TMEM135: variants seen among roughly 807,000 people sequenced by gnomAD.
The protein encoded by TMEM135 is peroxisomal membrane protein 52.
In TMEM135, 30 loss-of-function variants were observed where a neutral mutation model predicts 60.3. The ratio of observed to expected loss-of-function variants is 0.50; its 90% CI spans 0.37 to 0.68. TMEM135 has a LOEUF of 0.68. Among genes scored for constraint, TMEM135 ranks in the 30% least tolerant of loss-of-function variants. The pLI is 0.00. For missense variants in TMEM135, 468 were observed against 548.8 expected (o/e 0.85, Z 1.47); for synonymous variants, 190 against 186.7 (o/e 1.02, Z -0.14).
chr11:87,291,523 T>A (rs1942262082), intron 6 of TMEM135, among the ~76,000 whole-genome samples: 2 of 81,932 alleles, frequency 2.4e-5, no homozygotes, highest in African/African-American at 7.7e-5. Context: ...TGATTTTTTT[T>A]TTTTTTTTTT....
chr11:87,155,332 C>T (rs1230415780), intron 4 of TMEM135, among the ~76,000 whole-genome samples: 3 of 152,192 alleles, frequency 2.0e-5, no homozygotes, highest in Non-Finnish European at 1.5e-5. Context: ...CTTTCGGTGT[C>T]ATATTCAAGA....
chr11:87,156,826 G>T (rs1005839517), intron 4 of TMEM135, among the ~76,000 whole-genome samples: 1 of 152,066 alleles, frequency 6.6e-6, no homozygotes. Context: ...GAATTTAAAT[G>T]CTACATTTGA....
chr11:87,175,898 G>T (rs984042185), intron 5 of TMEM135, among the ~76,000 whole-genome samples: 3 of 151,610 alleles, frequency 2.0e-5, no homozygotes, highest in South Asian at 2.1e-4. Context: ...CATACCAAAA[G>T]AATTTTGCAT....
At chr11:87,110,882 C>T (rs1857726756) in intron 4 of TMEM135, among the ~76,000 whole-genome samples, 1 of 152,082 alleles carries the variant, frequency 6.6e-6, no homozygotes, top group Admixed American at 6.6e-5. Flanking sequence ...ATTTAGGTTA[C>T]TAGCATTGCG....
intron 5 of TMEM135, among the ~76,000 whole-genome samples, chr11:87,189,109 T>TCCTTTTCCTTTCCCTTTC (rs1565479738): frequency 1.8e-4 from 27 of 151,644 alleles, no homozygotes; most frequent in Admixed American, 5.3e-4. Context: ...GTTTCCCTTT[T>TCCTTTTCCTTTCCCTTTC]CCTTTTCCTT....
At chr11:87,057,027 AC>A (rs1949900542) in intron 1 of TMEM135, among the ~76,000 whole-genome samples, 1 of 152,192 alleles carries the variant, frequency 6.6e-6, no homozygotes, top group Non-Finnish European at 1.5e-5. Context: ...GAGTTCCATC[AC>A]TAAAAGTTGA....
intron 7 of TMEM135, among the ~76,000 whole-genome samples, chr11:87,296,612 A>G (rs563239786): frequency 1.3e-5 from 2 of 152,284 alleles, no homozygotes; most frequent in African/African-American, 4.8e-5. Context: ...GTACTAGCAA[A>G]AGTTTTTACC....
chr11:87,144,755 GT>G (rs57015442), intron 4 of TMEM135, among the ~76,000 whole-genome samples: 62,839 of 147,006 alleles, frequency 0.43, 13,999 homozygotes, highest in East Asian at 0.66. Flanking sequence ...ACTTTCAAGA[GT>G]TTTTTTTTTT....
intron 4 of TMEM135, among the ~76,000 whole-genome samples, chr11:87,120,864 T>G (rs2135214886): frequency 6.6e-6 from 1 of 152,280 alleles, no homozygotes; most frequent in Non-Finnish European, 1.5e-5. Flanking sequence ...ATCTAGAACT[T>G]TGTTATCTTG....
intron 14 of TMEM135, among the ~76,000 whole-genome samples, chr11:87,319,640 CTG>C (rs1368215282): frequency 2.0e-5 from 3 of 151,028 alleles, no homozygotes; most frequent in Non-Finnish European, 4.4e-5. Context: ...TTAAGTCTGA[CTG>C]TTTGAATCAC....
rs574265806 is a variant in TMEM135 at position 87,267,368 on chromosome 11, C to A, written c.510-28414C>A. ...AAGTAGGAAGTCACTTTCTAATTTC[C>A]TTCTTTTACACAAGATAAGCATTCT... On this transcript the variant is annotated intron_variant, in intron 6 of 14. Transcript: ENST00000305494. Among the ~76,000 whole-genome samples, 8 of 152,064 alleles carry A rather than the reference C, an allele frequency of 5.3e-5. No individual in the cohort carries two copies. In the South Asian group the frequency reaches 1.0e-3, roughly 20 times the overall value.
chr11:87,043,273 A>G (rs1949766731), intron 1 of TMEM135, among the ~76,000 whole-genome samples: 1 of 151,900 alleles, frequency 6.6e-6, no homozygotes, highest in South Asian at 2.1e-4. Flanking sequence ...TAGTTTTTTT[A>G]AAAAGCAGAT....
intron 6 of TMEM135, among the ~76,000 whole-genome samples, chr11:87,249,190 C>A (rs998037190): frequency 1.3e-5 from 2 of 152,124 alleles, no homozygotes; most frequent in Non-Finnish European, 2.9e-5. Context: ...GAAAGGCTTT[C>A]AGTTTTTTCT....
chr11:87,285,548 C>T (rs1242895274), intron 6 of TMEM135, among the ~76,000 whole-genome samples: 2 of 151,922 alleles, frequency 1.3e-5, no homozygotes, highest in Non-Finnish European at 2.9e-5. Flanking sequence ...GTTGTTCGTT[C>T]CTCCCACCCA....
At chr11:87,105,343 C>T (rs945451090) in intron 4 of TMEM135, among the ~76,000 whole-genome samples, 22 of 152,106 alleles carry the variant, frequency 1.4e-4, no homozygotes, top group African/African-American at 3.6e-4. Flanking sequence ...CATAGGATCC[C>T]GAACCCAATT....
At chr11:87,141,746 C>T (rs1938268313) in intron 4 of TMEM135, among the ~76,000 whole-genome samples, 1 of 151,744 alleles carries the variant, frequency 6.6e-6, no homozygotes, top group Non-Finnish European at 1.5e-5. Context: ...CAGTGTCTAC[C>T]CTGCAGACAG....
intron 3 of TMEM135, among the ~76,000 whole-genome samples, chr11:87,079,565 A>G (rs983001111): frequency 6.6e-6 from 1 of 151,782 alleles, no homozygotes. Flanking sequence ...TGTTACCTGC[A>G]AATAGGGATG....
intron 6 of TMEM135, among the ~76,000 whole-genome samples, chr11:87,268,171 T>C (rs1337271206): frequency 6.7e-6 from 1 of 148,420 alleles, no homozygotes; most frequent in Non-Finnish European, 1.5e-5. Flanking sequence ...TTCCTTTCCT[T>C]TCTTTTCTTT....
At chr11:87,183,135 A>ATTTTTT (rs772123636) in intron 5 of TMEM135, among the ~76,000 whole-genome samples, 5 of 92,618 alleles carry the variant, frequency 5.4e-5, no homozygotes, top group Non-Finnish European at 7.9e-5. Context: ...GTAATCACTA[A>ATTTTTT]TTTTTTTTTT....
Sources: gnomAD v4.1 joint callset for allele counts (sites outside exome capture counted in the v4.1 genomes callset) on GRCh38, gnomAD v4.1.1 for gene constraint, MANE v1.5 for transcripts, NCBI Gene and HGNC (gene_info 2026-07-23, HGNC 2026-07-21) for gene names.